The following CFAP46 variants were observed in gnomAD, a reference collection of about 807,000 sequenced individuals.
CFAP46 encodes the protein cilia and flagella associated protein 46, also known as cilia- and flagella-associated protein 46.
CFAP46 carries 245 observed loss-of-function variants against 325.7 expected under a neutral mutation model. The observed-to-expected ratio is 0.75, with a 90% CI of 0.68 to 0.84. The LOEUF is 0.84. Among genes scored for constraint, CFAP46 ranks in the 40% least tolerant of loss-of-function variants. The probability of loss-of-function intolerance (pLI) is 0.00; values close to 1 mark genes in which losing one functional copy is unlikely to be tolerated. For synonymous variants in CFAP46, 1,523 were observed against 1,495.9 expected (o/e 1.02, Z -0.42); for missense variants, 3,346 against 3,543.0 (o/e 0.94, Z 1.41).
chr10:132,888,043 C>G (rs1465378428), intron 25 of CFAP46, among the ~76,000 whole-genome samples: 1 of 137,986 alleles, frequency 7.2e-6, no homozygotes, highest in Non-Finnish European at 1.5e-5. Context: ...TCTTCTCTCT[C>G]TCCTCTCCCC....
rs1195357414 is a variant in CFAP46, at chr10:132,851,206, C to A, written c.5674G>T (p.Ala1892Ser). ...LDMLQFIWEE[A>S]HGQQSEQGSL... is the part of the protein sequence containing the mutation. ...CCCTGCTCACTCTGCTGCCCGTGGG[C>A]CTCCTCCCAGATGAACTGGAGCATG... Residue 1892 changes from alanine to serine, a missense_variant, in exon 40 of 58, where the codon GCC becomes TCC. Physicochemically the swap from Ala to Ser is moderately conservative, Grantham distance 99 (BLOSUM62 1). Transcript: ENST00000368586. The A allele has an allele frequency of 5.0e-6, 8 of 1,614,106 alleles. No individual in the cohort carries two copies. Among genetic ancestry groups the A allele is most frequent in the African/African-American group, 2.7e-5 (2 of 75,050 alleles).
chr10:132,929,219 T>C lies in CFAP46; in HGVS notation c.966+486A>G, dbSNP rs765504124. On this transcript the variant is annotated intron_variant, in intron 9 of 57. Coordinates refer to ENST00000368586, the MANE Select transcript of CFAP46 (RefSeq NM_001200049.3). Reference sequence around the variant, plus strand: ...ATAAGATATTTATAACAATAACTAATAATAAGATACAATCATAACACTATA... The same window carrying C: ...ATAAGATATTTATAACAATAACTAACAATAAGATACAATCATAACACTATA... 245 of 447,140 alleles carry C rather than the reference T, an allele frequency of 5.5e-4. 4 individuals carry two copies. Among genetic ancestry groups the C allele is most frequent in the Middle Eastern group, 1.2e-3 (2 of 1,722 alleles). 27.7% of individuals were successfully genotyped at this position (447,140 alleles called of 1,614,324 possible).
intron 22 of CFAP46, among the ~76,000 whole-genome samples, chr10:132,903,555 TC>T (rs1849418598): frequency 6.6e-6 from 1 of 152,238 alleles, no homozygotes; most frequent in African/African-American, 2.4e-5. Context: ...GGAGCCCACT[TC>T]CGATATTTCC....
At chr10:132,934,067 G>A (rs746113804) in intron 8 of CFAP46, among the ~76,000 whole-genome samples, 1 of 152,196 alleles carries the variant, frequency 6.6e-6, no homozygotes, top group Non-Finnish European at 1.5e-5. Context: ...CTAAGTTTGT[G>A]GGTACTTGTT....
At chr10:132,881,904 C>G (rs1849048680) in intron 27 of CFAP46, among the ~76,000 whole-genome samples, 1 of 152,256 alleles carries the variant, frequency 6.6e-6, no homozygotes, top group Non-Finnish European at 1.5e-5. Context: ...GCTCGGCACT[C>G]ACACTGCATC....
At chr10:132,918,782 C>G (rs1849676008) in intron 15 of CFAP46, among the ~76,000 whole-genome samples, 1 of 152,156 alleles carries the variant, frequency 6.6e-6, no homozygotes, top group Non-Finnish European at 1.5e-5. Flanking sequence ...GCTCTTGGCA[C>G]CTGTGGCTCT....
chr10:132,929,220 A>T, intron 9 of CFAP46: 1 of 449,832 alleles, frequency 2.2e-6, no homozygotes, highest in South Asian at 4.6e-5. Context: ...AATAACTAAT[A>T]ATAAGATACA....
At chr10:132,929,620 A>G in intron 9 of CFAP46, 85 bp downstream of exon 9, 1 of 1,303,518 alleles carries the variant, frequency 7.7e-7, no homozygotes, top group South Asian at 1.2e-5. Context: ...GGCCTGGTGA[A>G]CTGCTCTTCC....
chr10:132,919,804 C>T lies in CFAP46; in HGVS notation c.1730+255G>A, dbSNP rs569959263. Among the ~76,000 whole-genome samples, 17 of 152,246 alleles carry T rather than the reference C, an allele frequency of 1.1e-4. No homozygotes were observed. The highest frequency in any genetic ancestry group is 4.1e-4 in the African/African-American group (17 of 41,554). On this transcript the variant is annotated intron_variant, in intron 14 of 57. Coordinates refer to ENST00000368586, the MANE Select transcript of CFAP46 (RefSeq NM_001200049.3). The surrounding 1 kb of genome is among the most constrained non-coding windows in gnomAD (Gnocchi z 9.7). ...CTGGTCACAGGCGCTGCGTGTCCTC[C>T]GAGTGACAGCAGTGACAGGCGGGAC...
intron 50 of CFAP46, among the ~76,000 whole-genome samples, chr10:132,815,928 C>G (rs1008278504): frequency 4.6e-5 from 7 of 152,176 alleles, no homozygotes; most frequent in African/African-American, 1.7e-4. Context: ...TTTTCTATTA[C>G]TGGGGAGATT....
chr10:132,821,726 ACGTGTGC>A (rs1847838322), intron 50 of CFAP46, among the ~76,000 whole-genome samples: 2 of 76,404 alleles, frequency 2.6e-5, no homozygotes, highest in Non-Finnish European at 4.9e-5. Flanking sequence ...CTGTGTGCTG[ACGTGTGC>A]TGTGTGTGCG....
chr10:132,851,870 G>A (rs7070540), intron 39 of CFAP46, among the ~76,000 whole-genome samples: 16,527 of 125,552 alleles, frequency 0.13, 1,292 homozygotes, highest in African/African-American at 0.28. Context: ...ATTTACTTAG[G>A]AATTCTCAGA....
chr10:132,862,033 G>A lies in CFAP46; in HGVS notation c.4891-1051C>T, dbSNP rs142037347. 9.3e-3 allele frequency among the ~76,000 whole-genome samples: 1,412 copies of A among 152,358 alleles called. 12 individuals carry two copies. Among genetic ancestry groups the A allele is most frequent in the South Asian group, 0.043 (210 of 4,834 alleles). On this transcript the variant is annotated intron_variant, in intron 35 of 57. Transcript: ENST00000368586. Reference sequence around the variant, plus strand: ...TGCCCGACACAGGATCCACCTGGACGCCACAGCCTGCATGCACCTGGGCAT... The same window carrying A: ...TGCCCGACACAGGATCCACCTGGACACCACAGCCTGCATGCACCTGGGCAT...
Position 132,815,064 on chromosome 10 carries a change from G to A in CFAP46, c.7118-150C>T, listed in dbSNP as rs190325294. On this transcript the variant is annotated intron_variant, in intron 50 of 57. Coordinates refer to ENST00000368586, the MANE Select transcript of CFAP46 (RefSeq NM_001200049.3). ...AACAAGCGGTTTTAATTTGTGTAAAGTTGACGTGGCAATAACTTGTGAAAT... is the reference window on the plus strand; with the variant it reads ...AACAAGCGGTTTTAATTTGTGTAAAATTGACGTGGCAATAACTTGTGAAAT... The A allele has an allele frequency of 7.7e-5, 58 of 751,638 alleles. 1 individual carries two copies. The East Asian group carries it at 1.3e-3, about 17-fold the overall frequency. The allele number at this position is 751,638 out of a possible 1,614,324, so 46.6% of individuals were successfully genotyped here. A position where few individuals can be genotyped will look rare whatever the true frequency, so the allele number is the denominator to read the frequency against.
intron 44 of CFAP46, among the ~76,000 whole-genome samples, chr10:132,845,376 C>T (rs1848416077): frequency 6.6e-6 from 1 of 152,204 alleles, no homozygotes; most frequent in African/African-American, 2.4e-5. Context: ...GGCAGGGGTG[C>T]TCCTGTCAGC....
At position 132,852,573 on chromosome 10, in the gene CFAP46, TA is replaced by T. The variant is rs533688660; in HGVS notation, c.5575-1269del. ...CACAGACGTGGTATGTTTCTCTATT[TA>T]CTTAGCTATTCTCAGATCCTGATCC... is the stretch of plus-strand genomic sequence containing the variant. On this transcript the variant is annotated intron_variant, in intron 39 of 57. Coordinates refer to ENST00000368586, the MANE Select transcript of CFAP46 (RefSeq NM_001200049.3). Among the ~76,000 whole-genome samples the T allele has an allele frequency of 4.3e-3, 661 of 152,324 alleles. 7 individuals carry two copies. The highest frequency in any genetic ancestry group is 0.015 in the African/African-American group (608 of 41,564).
At chr10:132,878,190 C>T (rs1848984706) in intron 29 of CFAP46, 103 bp from the exon 30 acceptor site, 1 of 1,062,904 alleles carries the variant, frequency 9.4e-7, no homozygotes, top group African/African-American at 1.6e-5. Context: ...CCGCGGGGCT[C>T]CCCAGACTCT....
At chr10:132,927,657 C>T (rs1225178330) in intron 9 of CFAP46, among the ~76,000 whole-genome samples, 1 of 152,206 alleles carries the variant, frequency 6.6e-6, no homozygotes. Context: ...CACACGTTCA[C>T]GGATCTTAAA....
chr10:132,934,800 T>G lies in CFAP46; in HGVS notation c.818A>C (p.His273Pro). Residue 273 changes from histidine to proline, a missense_variant, in exon 8 of 58, where the codon CAC (histidine) becomes CCC (proline). By Grantham distance (77) the His-to-Pro change is moderately conservative. Coordinates refer to ENST00000368586, the MANE Select transcript of CFAP46 (RefSeq NM_001200049.3). ...ISVILRKAYR[H>P]LGHYNHQRFP... ...GCGCTGGTGGTTGTAATGACCTAAG[T>G]GTCTGTAGGCCTTCCTCAGAATGAC... 2 of 1,613,250 alleles carry G rather than the reference T, an allele frequency of 1.2e-6. No individual in the cohort carries two copies. Among genetic ancestry groups the G allele is most frequent in the Non-Finnish European group, 1.7e-6 (2 of 1,179,332 alleles).
Sources: allele counts gnomAD v4.1 joint callset (sites outside exome capture counted in the v4.1 genomes callset), GRCh38; gene constraint gnomAD v4.1.1; non-coding constraint Gnocchi (gnomAD v3.1); transcripts MANE v1.5; gene names NCBI Gene and HGNC (gene_info 2026-07-23, HGNC 2026-07-21).